SUN3: variants seen among roughly 807,000 people sequenced by gnomAD.
SUN3 encodes the protein SUN domain-containing protein 3.
In SUN3, 36 loss-of-function variants were observed where a neutral mutation model predicts 48.2. That is an observed-to-expected ratio of 0.75 (90% confidence interval 0.57 to 0.99). The LOEUF is 0.99. SUN3 is among the 50% of genes least tolerant of loss of function. The pLI is 0.00. For synonymous variants in SUN3, 148 were observed against 147.9 expected, an observed-to-expected ratio of 1.00 and a Z score of 0.00; for missense variants, 419 against 433.1, an observed-to-expected ratio of 0.97 and a Z score of 0.29.
intron 1 of SUN3, among the ~76,000 whole-genome samples, 179 bp from the exon 2 acceptor site, chr7:48,026,117 G>T (rs1318269446): frequency 6.6e-6 from 1 of 151,950 alleles, no homozygotes; most frequent in African/African-American, 2.4e-5. Context: ...AGAGAAGATC[G>T]TTTTAGTGAT....
intron 7 of SUN3, 149 bp downstream of exon 7, chr7:47,995,882 G>T: frequency 2.0e-6 from 1 of 509,138 alleles, no homozygotes; most frequent in Non-Finnish European, 3.5e-6. Context: ...GCAGTGTACT[G>T]ACTATAAAAA....
At chr7:47,991,864 G>A (rs150635828) in intron 8 of SUN3, among the ~76,000 whole-genome samples, 117 of 152,242 alleles carry the variant, frequency 7.7e-4, no homozygotes, top group African/African-American at 2.7e-3. Flanking sequence ...TCAAAAAGCA[G>A]TTACAACGCC....
intron 8 of SUN3, among the ~76,000 whole-genome samples, chr7:47,992,332 A>G (rs1040846776): frequency 2.6e-5 from 4 of 152,248 alleles, no homozygotes; most frequent in Admixed American, 1.3e-4. Flanking sequence ...GCAGAAGAAA[A>G]TGAGACAAGC....
At chr7:48,028,693 T>C in intron 1 of SUN3, 124 bp downstream of exon 1, 2 of 1,291,824 alleles carry the variant, frequency 1.5e-6, no homozygotes, top group Non-Finnish European at 2.1e-6. Flanking sequence ...CTATTGAAAA[T>C]GATTTTCTCT....
At position 48,029,070 on chromosome 7, in the gene SUN3, G is replaced by C. The variant is rs942747765; in HGVS notation, c.-132C>G. 1.5e-6 allele frequency: 2 copies of C among 1,313,116 alleles called. No individual in the cohort carries two copies. The highest frequency in any genetic ancestry group is 3.0e-5 in the African/African-American group (2 of 66,510). The allele number at this position is 1,313,116 out of a possible 1,614,324, so 81.3% of individuals were successfully genotyped here. ...TTGTATAATGTCTTCTTCCTCCACG[G>C]GTGTTTCTTCTTGAAGACGGAATTT... is the stretch of plus-strand genomic sequence containing the variant. On this transcript the variant is annotated 5_prime_UTR_variant, in exon 1 of 10. Transcript: ENST00000297325.
intron 6 of SUN3, among the ~76,000 whole-genome samples, chr7:47,999,512 A>G (rs1014403405): frequency 6.6e-6 from 1 of 150,800 alleles, no homozygotes; most frequent in Non-Finnish European, 1.5e-5. Flanking sequence ...CTTTTTTTAA[A>G]TATTAGTTGA....
chr7:48,035,742 A>C, the SUN3 span: 9 of 582,686 alleles, frequency 1.5e-5, no homozygotes, highest in Non-Finnish European at 2.4e-5. The surrounding 1 kb of genome is among the most constrained non-coding windows in gnomAD (Gnocchi z 4.0). Flanking sequence ...GAGGGAGGGG[A>C]CCACCTTGTC....
the SUN3 span, among the ~76,000 whole-genome samples, chr7:48,035,287 A>G: frequency 6.6e-6 from 1 of 151,382 alleles, no homozygotes; most frequent in African/African-American, 2.4e-5. The surrounding 1 kb of genome is among the most constrained non-coding windows in gnomAD (Gnocchi z 4.0). Context: ...CTGCAACAGT[A>G]AGGCCCTGCT....
At chr7:48,031,736 G>T (rs188620262), upstream of SUN3, among the ~76,000 whole-genome samples, 122 of 152,134 alleles carry the variant, frequency 8.0e-4, no homozygotes, top group South Asian at 1.2e-3. Flanking sequence ...GTGTTGAAGA[G>T]ATATTTGCAC....
chr7:48,029,255 C>A, upstream of SUN3: 2 of 249,574 alleles, frequency 8.0e-6, no homozygotes, highest in South Asian at 1.1e-4. Context: ...AAGGCCCCCC[C>A]ATGTACCTAC....
intron 3 of SUN3, among the ~76,000 whole-genome samples, chr7:48,015,999 G>A (rs1049059733): frequency 3.3e-5 from 5 of 152,114 alleles, no homozygotes; most frequent in African/African-American, 9.7e-5. Flanking sequence ...TAGGGGTCAC[G>A]CAGACCCTGG....
chr7:47,998,127 G>T (rs1030108574), intron 6 of SUN3, among the ~76,000 whole-genome samples: 5 of 152,188 alleles, frequency 3.3e-5, no homozygotes, highest in African/African-American at 1.2e-4. Flanking sequence ...GTGTTATATT[G>T]AACTTCATAA....
intron 2 of SUN3, 133 bp downstream of exon 2, chr7:48,025,744 A>G (rs1441775645): frequency 4.1e-6 from 2 of 481,940 alleles, no homozygotes; most frequent in Non-Finnish European, 7.4e-6. Flanking sequence ...AAAAGCTTTG[A>G]GAATGTGCAG....
the SUN3 span, among the ~76,000 whole-genome samples, chr7:48,035,280 C>T: frequency 6.6e-6 from 1 of 151,974 alleles, no homozygotes; most frequent in Non-Finnish European, 1.5e-5. The surrounding 1 kb of genome is among the most constrained non-coding windows in gnomAD (Gnocchi z 4.0). Context: ...CACACCCCTG[C>T]AACAGTAAGG....
chr7:47,996,219 C>A (rs1031015338), intron 6 of SUN3, 73 bp from the exon 7 acceptor site: 15 of 848,114 alleles, frequency 1.8e-5, no homozygotes, highest in Non-Finnish European at 2.6e-5. Context: ...TGAATTTTAA[C>A]AATGTCTCTA....
intron 8 of SUN3, among the ~76,000 whole-genome samples, chr7:47,993,260 G>C (rs1789116699): frequency 6.6e-6 from 1 of 152,130 alleles, no homozygotes; most frequent in African/African-American, 2.4e-5. Flanking sequence ...TGCCTCAAAT[G>C]TTAAACCTAC....
intron 2 of SUN3, among the ~76,000 whole-genome samples, chr7:48,018,261 C>G (rs983366000): frequency 3.3e-5 from 5 of 152,146 alleles, no homozygotes. Flanking sequence ...GTTTCTGTCT[C>G]TCTCTCACTC....
intron 2 of SUN3, among the ~76,000 whole-genome samples, chr7:48,024,605 G>T (rs1790084697): frequency 1.3e-5 from 2 of 152,174 alleles, no homozygotes; most frequent in Non-Finnish European, 2.9e-5. Context: ...ATAAAGAAAA[G>T]AGGTTTATTT....
At chr7:47,997,092 G>A (rs1167060741) in intron 6 of SUN3, among the ~76,000 whole-genome samples, 21 of 151,738 alleles carry the variant, frequency 1.4e-4, no homozygotes, top group Non-Finnish European at 2.6e-4. Flanking sequence ...GAGCCACCGC[G>A]CCCAGCTGAT....
Sources: allele counts gnomAD v4.1 joint callset (sites outside exome capture counted in the v4.1 genomes callset), GRCh38; gene constraint gnomAD v4.1.1; non-coding constraint Gnocchi (gnomAD v3.1); transcripts MANE v1.5; gene names NCBI Gene and HGNC (gene_info 2026-07-23, HGNC 2026-07-21).